The following TRAM2 variants were observed in gnomAD, a reference collection of about 807,000 sequenced individuals.
TRAM2 encodes the protein translocation associated membrane protein 2, also known as translocating chain-associated membrane protein 2.
TRAM2 carries 12 observed loss-of-function variants against 51.0 expected under a neutral mutation model. That is an observed-to-expected ratio of 0.24 (90% CI 0.15 to 0.38). The LOEUF (loss-of-function observed/expected upper bound fraction) is 0.38. TRAM2 is among the 10% of genes least tolerant of loss of function. TRAM2 has a pLI of 1.00. For missense variants in TRAM2, 361 were observed against 462.0 expected (o/e 0.78, Z 2.00); for synonymous variants, 175 against 179.4 (o/e 0.98, Z 0.20).
intron 1 of TRAM2, among the ~76,000 whole-genome samples, chr6:52,573,087 G>C (rs1326293235): frequency 6.6e-6 from 1 of 152,048 alleles, no homozygotes; most frequent in African/African-American, 2.4e-5. Flanking sequence ...TAAAAAAAAA[G>C]TTTCAGTCCT....
intron 1 of TRAM2, among the ~76,000 whole-genome samples, chr6:52,572,237 G>A (rs558879548): frequency 6.6e-6 from 1 of 152,306 alleles, no homozygotes; most frequent in African/African-American, 2.4e-5. Flanking sequence ...GTAAGTAAAA[G>A]GCTAAAAGGG....
At chr6:52,547,096 C>G (rs773908289) in intron 1 of TRAM2, among the ~76,000 whole-genome samples, 2 of 152,010 alleles carry the variant, frequency 1.3e-5, no homozygotes, top group African/African-American at 4.8e-5. Flanking sequence ...GTGGACTGCT[C>G]GGTCTAGCAG....
intron 7 of TRAM2, among the ~76,000 whole-genome samples, chr6:52,506,743 C>G (rs772935786): frequency 6.6e-6 from 1 of 152,162 alleles, no homozygotes; most frequent in Admixed American, 6.5e-5. Flanking sequence ...AAGACCCATC[C>G]GGGAACTGAC....
At chr6:52,565,428 C>T (rs1019162951) in intron 1 of TRAM2, among the ~76,000 whole-genome samples, 1 of 152,072 alleles carries the variant, frequency 6.6e-6, no homozygotes, top group East Asian at 1.9e-4. Context: ...GCTTCGGTTC[C>T]GGTATAAACA....
At chr6:52,543,057 T>C (rs1410382102) in intron 1 of TRAM2, among the ~76,000 whole-genome samples, 2 of 152,248 alleles carry the variant, frequency 1.3e-5, no homozygotes, top group African/African-American at 4.8e-5. Context: ...TATGCTGGTA[T>C]AGCTTGAACT....
intron 1 of TRAM2, among the ~76,000 whole-genome samples, chr6:52,546,628 C>T (rs1220557812): frequency 2.0e-5 from 3 of 152,084 alleles, no homozygotes; most frequent in Admixed American, 2.0e-4. Context: ...GAAACAGACA[C>T]ACAAATGTCC....
intron 2 of TRAM2, among the ~76,000 whole-genome samples, chr6:52,519,861 G>C (rs1035930369): frequency 6.6e-6 from 1 of 151,266 alleles, no homozygotes; most frequent in African/African-American, 2.4e-5. Context: ...GGTGGACCTC[G>C]AGGACATTAG....
intron 1 of TRAM2, among the ~76,000 whole-genome samples, chr6:52,564,590 T>G (rs1210807893): frequency 1.3e-5 from 2 of 152,048 alleles, no homozygotes; most frequent in Non-Finnish European, 2.9e-5. Context: ...GTCCCTACCC[T>G]TCCCAGAGGG....
intron 1 of TRAM2, among the ~76,000 whole-genome samples, chr6:52,563,986 T>C (rs964312048): frequency 3.3e-5 from 5 of 151,676 alleles, no homozygotes; most frequent in African/African-American, 1.2e-4. Context: ...GCATTCCTAA[T>C]GTGCTCAAAA....
chr6:52,561,525 G>A (rs578173491), intron 1 of TRAM2, among the ~76,000 whole-genome samples: 35 of 142,470 alleles, frequency 2.5e-4, no homozygotes, highest in African/African-American at 8.3e-4. Flanking sequence ...TCGCTCTGTC[G>A]CCCAGGCTGG....
chr6:52,555,045 T>C (rs1354566171), intron 1 of TRAM2, among the ~76,000 whole-genome samples: 1 of 152,246 alleles, frequency 6.6e-6, no homozygotes, highest in African/African-American at 2.4e-5. Flanking sequence ...TGAGTTTTTC[T>C]TGATGCTTTT....
intron 2 of TRAM2, among the ~76,000 whole-genome samples, chr6:52,519,163 C>T (rs921670078): frequency 6.6e-6 from 1 of 152,224 alleles, no homozygotes; most frequent in East Asian, 1.9e-4. Context: ...ATGCTGGGCA[C>T]TGGGAGACGG....
At chr6:52,563,836 T>G (rs1403630932) in intron 1 of TRAM2, among the ~76,000 whole-genome samples, 3 of 147,410 alleles carry the variant, frequency 2.0e-5, no homozygotes, top group Non-Finnish European at 3.0e-5. Context: ...TAATGGTACC[T>G]AATCAAAAAC....
intron 1 of TRAM2, among the ~76,000 whole-genome samples, chr6:52,567,356 TAGAG>T (rs896894782): frequency 9.2e-5 from 14 of 152,160 alleles, no homozygotes; most frequent in Admixed American, 3.3e-4. Context: ...ATGAGCACAG[TAGAG>T]AGAGTTGTAT....
chr6:52,535,443 GAGGCCA>G (rs1227963849), intron 2 of TRAM2, among the ~76,000 whole-genome samples: 2 of 152,236 alleles, frequency 1.3e-5, no homozygotes, highest in Non-Finnish European at 2.9e-5. Flanking sequence ...AGCACTTTGG[GAGGCCA>G]AGGCAGGTAG....
At chr6:52,554,492 C>T (rs1478909383) in intron 1 of TRAM2, among the ~76,000 whole-genome samples, 1 of 94,406 alleles carries the variant, frequency 1.1e-5, no homozygotes, top group Non-Finnish European at 2.9e-5. Context: ...TGCACTCCAG[C>T]CTGGGCAACA....
intron 2 of TRAM2, among the ~76,000 whole-genome samples, chr6:52,517,990 A>C (rs1339228614): frequency 6.6e-6 from 1 of 152,218 alleles, no homozygotes; most frequent in Non-Finnish European, 1.5e-5. Flanking sequence ...CCTTTCCACA[A>C]AGACCTATTC....
intron 2 of TRAM2, among the ~76,000 whole-genome samples, chr6:52,530,720 C>T (rs187240756): frequency 3.9e-5 from 6 of 152,248 alleles, no homozygotes; most frequent in African/African-American, 9.6e-5. Flanking sequence ...CCAAGGAGCG[C>T]GGCCCCTCTG....
Position 52,499,634 on chromosome 6 carries a change from CAA to C in TRAM2, c.*3561_*3562del, listed in dbSNP as rs112044263. The C allele has an allele frequency of 2.6e-5, 4 of 152,094 alleles. No homozygotes were observed. The highest frequency in any genetic ancestry group is 9.7e-5 in the African/African-American group (4 of 41,388). The allele number at this position is 152,094 out of a possible 1,614,324, so 9.4% of individuals were successfully genotyped here. A position where few individuals can be genotyped will look rare whatever the true frequency, so the allele number is the denominator to read the frequency against. On this transcript the variant is annotated 3_prime_UTR_variant, in exon 11 of 11. Coordinates refer to ENST00000182527, the MANE Select transcript of TRAM2 (RefSeq NM_012288.4). ...GAAGGGGTACTGACAAAGGAGGTCCCAAAAGAGACCCCAGAAGCACACACCCA... is the reference window on the plus strand; with the variant it reads ...GAAGGGGTACTGACAAAGGAGGTCCCAAGAGACCCCAGAAGCACACACCCA...
Sources: allele counts gnomAD v4.1 joint callset (sites outside exome capture counted in the v4.1 genomes callset), GRCh38; gene constraint gnomAD v4.1.1; transcripts MANE v1.5; gene names NCBI Gene and HGNC (gene_info 2026-07-23, HGNC 2026-07-21).